The following SLC2A13 variants were observed in gnomAD, a reference collection of about 807,000 sequenced individuals.
The protein encoded by SLC2A13 is solute carrier family 2 member 13.
In SLC2A13, 32 loss-of-function variants were observed where a neutral mutation model predicts 64.4. The observed-to-expected ratio is 0.50, with a 90% CI of 0.37 to 0.67. SLC2A13 has a LOEUF of 0.67. Ranked by LOEUF, SLC2A13 falls within the 30% of genes least tolerant of loss-of-function variation. The probability of loss-of-function intolerance (pLI) is 0.00; values close to 1 mark genes in which losing one functional copy is unlikely to be tolerated. For synonymous variants in SLC2A13, 338 were observed against 327.1 expected (o/e 1.03, Z -0.36); for missense variants, 743 against 829.2 (o/e 0.90, Z 1.28).
chr12:39,755,357 T>C lies in SLC2A13; in HGVS notation c.*4669A>G, dbSNP rs2135699933. On this transcript the variant is annotated 3_prime_UTR_variant, in exon 10 of 10. Transcript: ENST00000280871. ...TAACATGCACTCAGAAATTAAAATA[T>C]ACAGTTTGAAATACATATATTTTAA... 6.6e-6 allele frequency: 1 copy of C among 152,188 alleles called. No homozygotes were observed. Among genetic ancestry groups the C allele is most frequent in the East Asian group, 1.9e-4 (1 of 5,260 alleles). 9.4% of individuals were successfully genotyped at this position (152,188 alleles called of 1,614,324 possible).
chr12:39,990,635 T>A (rs1947119626), intron 3 of SLC2A13, among the ~76,000 whole-genome samples: 1 of 152,154 alleles, frequency 6.6e-6, no homozygotes, highest in Non-Finnish European at 1.5e-5. Context: ...GGCAAAGGGA[T>A]TTTCTTGCAA....
chr12:39,766,844 G>C (rs1940369080), intron 7 of SLC2A13, among the ~76,000 whole-genome samples: 1 of 152,034 alleles, frequency 6.6e-6, no homozygotes, highest in African/African-American at 2.4e-5. Flanking sequence ...CAGCAATTCA[G>C]TCACATCTTT....
intron 1 of SLC2A13, among the ~76,000 whole-genome samples, chr12:40,088,942 A>C (rs1938675516): frequency 6.6e-6 from 1 of 152,248 alleles, no homozygotes; most frequent in Admixed American, 6.5e-5. Flanking sequence ...TTAGTCTGTG[A>C]ATATCTGATC....
chr12:40,089,668 G>A (rs1476619956), intron 1 of SLC2A13, among the ~76,000 whole-genome samples: 1 of 152,182 alleles, frequency 6.6e-6, no homozygotes, highest in East Asian at 1.9e-4. Context: ...TCTGTAAGGA[G>A]TCTGTCTCAC....
intron 3 of SLC2A13, among the ~76,000 whole-genome samples, chr12:40,001,974 A>G (rs571476847): frequency 3.9e-4 from 59 of 152,346 alleles, no homozygotes; most frequent in African/African-American, 1.2e-3. Context: ...AATTTAACCT[A>G]GCAAATAGAT....
At chr12:39,866,530 G>A (rs1384596479) in intron 5 of SLC2A13, among the ~76,000 whole-genome samples, 1 of 152,026 alleles carries the variant, frequency 6.6e-6, no homozygotes, top group Non-Finnish European at 1.5e-5. Flanking sequence ...CCTGGTTGGA[G>A]TGCAGTGGCG....
At chr12:39,957,481 T>G (rs1205499045) in intron 3 of SLC2A13, among the ~76,000 whole-genome samples, 1 of 152,164 alleles carries the variant, frequency 6.6e-6, no homozygotes, top group Non-Finnish European at 1.5e-5. Flanking sequence ...TTTCATTTTC[T>G]TCATCATTTT....
At chr12:40,070,969 T>G (rs17518280) in intron 1 of SLC2A13, among the ~76,000 whole-genome samples, 4 of 152,254 alleles carry the variant, frequency 2.6e-5, no homozygotes, top group African/African-American at 4.8e-5. Flanking sequence ...CAACCGGTTA[T>G]ATGCAGGGAC....
chr12:39,885,885 A>T (rs1309333732), intron 4 of SLC2A13, among the ~76,000 whole-genome samples: 1 of 152,178 alleles, frequency 6.6e-6, no homozygotes, highest in African/African-American at 2.4e-5. Context: ...AGAGATTCTA[A>T]CGTATTTGGT....
intron 3 of SLC2A13, among the ~76,000 whole-genome samples, chr12:39,978,475 G>A (rs1006014971): frequency 1.3e-5 from 2 of 152,104 alleles, no homozygotes; most frequent in African/African-American, 2.4e-5. Context: ...CGCACCGTGC[G>A]CGAGCCGAAG....
chr12:39,993,750 T>C (rs11564163), intron 3 of SLC2A13, among the ~76,000 whole-genome samples: 2,264 of 152,338 alleles, frequency 0.015, 69 homozygotes, highest in African/African-American at 0.048. Flanking sequence ...TGTTATGTTC[T>C]TATGTAATGA....
At chr12:40,075,383 T>G (rs1239973937) in intron 1 of SLC2A13, among the ~76,000 whole-genome samples, 1 of 152,226 alleles carries the variant, frequency 6.6e-6, no homozygotes, top group Non-Finnish European at 1.5e-5. Flanking sequence ...TGGTTAGCTG[T>G]ATCCACCTGC....
chr12:39,797,350 A>C (rs1049718625), intron 7 of SLC2A13, among the ~76,000 whole-genome samples: 36 of 152,314 alleles, frequency 2.4e-4, no homozygotes, highest in African/African-American at 8.7e-4. Flanking sequence ...TCTGACTTGC[A>C]TTTCCTGAGC....
chr12:39,807,451 G>C (rs1348905646), intron 7 of SLC2A13, among the ~76,000 whole-genome samples: 1 of 152,178 alleles, frequency 6.6e-6, no homozygotes, highest in Non-Finnish European at 1.5e-5. Flanking sequence ...ACTGGGTAAA[G>C]AGTACATGGG....
At chr12:39,869,590 GA>G (rs1943991329) in intron 5 of SLC2A13, among the ~76,000 whole-genome samples, 2 of 152,180 alleles carry the variant, frequency 1.3e-5, no homozygotes, top group Admixed American at 1.3e-4. Flanking sequence ...AGGCAGGAAA[GA>G]AAAGTGCCTA....
At chr12:39,920,809 C>T (rs1030264046) in intron 4 of SLC2A13, among the ~76,000 whole-genome samples, 2 of 152,024 alleles carry the variant, frequency 1.3e-5, no homozygotes, top group Admixed American at 6.6e-5. Flanking sequence ...TGCACATACC[C>T]ACACACACCT....
chr12:40,041,484 T>C (rs1948089219), intron 2 of SLC2A13, among the ~76,000 whole-genome samples: 1 of 152,210 alleles, frequency 6.6e-6, no homozygotes, highest in Non-Finnish European at 1.5e-5. Context: ...TATTCATTCA[T>C]CTTGGGAGCT....
chr12:39,803,728 A>G (rs1941879538), intron 7 of SLC2A13, among the ~76,000 whole-genome samples: 1 of 152,310 alleles, frequency 6.6e-6, no homozygotes, highest in South Asian at 2.1e-4. Context: ...GAAAGAGCTT[A>G]TGAGACAGGG....
At chr12:39,842,184 C>T (rs1943195530) in intron 6 of SLC2A13, among the ~76,000 whole-genome samples, 1 of 151,816 alleles carries the variant, frequency 6.6e-6, no homozygotes, top group East Asian at 1.9e-4. Flanking sequence ...GCAGGCTGAA[C>T]AATATAAAGA....
Sources: gnomAD v4.1 joint callset for allele counts (sites outside exome capture counted in the v4.1 genomes callset) on GRCh38, gnomAD v4.1.1 for gene constraint, MANE v1.5 for transcripts, NCBI Gene and HGNC (gene_info 2026-07-23, HGNC 2026-07-21) for gene names.